HCN2: variants seen among roughly 807,000 people sequenced by gnomAD.
HCN2 encodes hyperpolarization activated cyclic nucleotide gated potassium and sodium channel 2, also known as potassium/sodium hyperpolarization-activated cyclic nucleotide-gated channel 2.
A neutral mutation model predicts 52.3 loss-of-function variants in HCN2; 20 were observed. The ratio of observed to expected loss-of-function variants is 0.38; its 90% confidence interval spans 0.27 to 0.56. HCN2 has a LOEUF of 0.56. HCN2 is among the 20% of genes least tolerant of loss of function. The pLI is 0.71. For synonymous variants in HCN2, 694 were observed against 537.0 expected, an observed-to-expected ratio of 1.29 and a Z score of -4.04; for missense variants, 981 against 1,207.7, an observed-to-expected ratio of 0.81 and a Z score of 2.78.
At chr19:598,213 C>T (rs1427710405) in intron 1 of HCN2, among the ~76,000 whole-genome samples, 2 of 152,148 alleles carry the variant, frequency 1.3e-5, no homozygotes, top group African/African-American at 4.8e-5. Flanking sequence ...TGTCTAGACT[C>T]AGGGAAAGGA....
In HCN2 at chr19:593,862, C is replaced by G. The variant is rs906193122; in HGVS notation, c.632+3285C>G. Among the ~76,000 whole-genome samples the G allele has an allele frequency of 2.0e-5, 3 of 152,164 alleles. No homozygotes were observed. In the East Asian group the frequency reaches 5.8e-4, roughly 29 times the overall value. On this transcript the variant is annotated intron_variant, in intron 1 of 7. Coordinates refer to ENST00000251287, the MANE Select transcript of HCN2 (RefSeq NM_001194.4). ...GCCTGAATTGGAACAGGCGTGAAAA[C>G]CAAGAAGGAAGGGGTTTGGCCTTAT... is the stretch of plus-strand genomic sequence containing the variant.
rs767819067 is a variant in HCN2 at position 613,500 on chromosome 19, G to T, written c.1825+12G>T. On this transcript the variant is annotated intron_variant, in intron 6 of 7. Coordinates refer to ENST00000251287, the MANE Select transcript of HCN2 (RefSeq NM_001194.4). ...CTCCTACTTCGGGGGTGAGCTTGAGGGGGGCGCGCCTGGAGGGGGAGGGGG... is the reference window on the plus strand; with the variant it reads ...CTCCTACTTCGGGGGTGAGCTTGAGTGGGGCGCGCCTGGAGGGGGAGGGGG... 4 of 1,579,810 alleles carry T rather than the reference G, an allele frequency of 2.5e-6. No homozygotes were observed. In the Admixed American group the frequency reaches 6.8e-5, roughly 27 times the overall value.
In HCN2 at chr19:590,363, C is replaced by T. The variant is rs529984416; in HGVS notation, c.418C>T (p.Pro140Ser). 213 of 1,144,284 alleles carry T rather than the reference C, an allele frequency of 1.9e-4. 1 individual carries two copies. The African/African-American group carries it at 3.1e-3, about 17-fold the overall frequency. 70.9% of individuals were successfully genotyped at this position (1,144,284 alleles called of 1,614,324 possible). Reference protein sequence around the residue: ...AASGPAPGPGPAEEAGSEEAG... With the variant: ...AASGPAPGPGSAEEAGSEEAG... ...CTCGGGGCCCGCGCCGGGGCCGGGG[C>T]CGGCGGAGGAGGCGGGCAGCGAGGA... Residue 140 changes from proline to serine, a missense_variant, in exon 1 of 8, where the codon CCG becomes TCG. Pro to Ser is a moderately conservative substitution (Grantham distance 74). Around this residue, in one of 6 missense-constraint regions of HCN2, gnomAD observed 215 missense variants for 179.4 expected, o/e 1.20. Coordinates refer to ENST00000251287, the MANE Select transcript of HCN2 (RefSeq NM_001194.4). The surrounding 1 kb of genome is among the most constrained non-coding windows in gnomAD (Gnocchi z 7.2).
Position 590,421 on chromosome 19 carries a change from A to C in HCN2, c.476A>C (p.Gln159Pro). 7.0e-7 allele frequency: 1 copy of C among 1,423,046 alleles called. No homozygotes were observed. The highest frequency in any genetic ancestry group is 9.3e-7 in the Non-Finnish European group (1 of 1,075,634). 88.2% of individuals were successfully genotyped at this position (1,423,046 alleles called of 1,614,324 possible). Reference sequence around the variant, plus strand: ...CCGGCGGGGGAGCCGCGCGGCAGCCAGGCCAGCTTCATGCAGCGCCAGTTC... The same window carrying C: ...CCGGCGGGGGAGCCGCGCGGCAGCCCGGCCAGCTTCATGCAGCGCCAGTTC... Reference protein sequence around the residue: ...AGPAGEPRGSQASFMQRQFGA... With the variant: ...AGPAGEPRGSPASFMQRQFGA... Residue 159 changes from glutamine (Q) to proline (P), a missense_variant, in exon 1 of 8, where the codon CAG becomes CCG. Physicochemically the swap from Gln to Pro is moderately conservative, Grantham distance 76 (BLOSUM62 -1). Around this residue, in one of 6 missense-constraint regions of HCN2, gnomAD observed 215 missense variants for 179.4 expected, o/e 1.20. Coordinates refer to ENST00000251287, the MANE Select transcript of HCN2 (RefSeq NM_001194.4). This position sits in a 1 kb window ranked among gnomAD's most constrained non-coding sequence, Gnocchi z 7.2.
Position 616,519 on chromosome 19 carries a change from C to G in HCN2, c.*45C>G. On this transcript the variant is annotated 3_prime_UTR_variant, in exon 8 of 8. Transcript: ENST00000251287. ...GGGCCCAGGCGGGCCGGGGGCGGGG[C>G]CGTCATCCAGACCAAAGCCATGCCA... 1.8e-6 allele frequency: 2 copies of G among 1,137,048 alleles called. No homozygotes were observed. The highest frequency in any genetic ancestry group is 4.4e-5 in the East Asian group (1 of 22,820). 70.4% of individuals were successfully genotyped at this position (1,137,048 alleles called of 1,614,324 possible). A position where few individuals can be genotyped will look rare whatever the true frequency, so the allele number is the denominator to read the frequency against.
chr19:612,779 G>T lies in HCN2; in HGVS notation c.1585-469G>T, dbSNP rs149004961. Reference sequence around the variant, plus strand: ...AGGGTCTTGTTCTGCGCTCAGGCTGGAGGGCAGTGGTGTGGGGATCACGGC... The same window carrying T: ...AGGGTCTTGTTCTGCGCTCAGGCTGTAGGGCAGTGGTGTGGGGATCACGGC... On this transcript the variant is annotated intron_variant, in intron 5 of 7. Transcript: ENST00000251287. Among the ~76,000 whole-genome samples, 12 of 150,892 alleles carry T rather than the reference G, an allele frequency of 8.0e-5. No homozygotes were observed. The East Asian group carries it at 2.3e-3, about 29-fold the overall frequency.
At position 617,046 on chromosome 19, in the gene HCN2, C is replaced by T. The variant is rs1324988740; in HGVS notation, c.*572C>T. 3 of 549,166 alleles carry T rather than the reference C, an allele frequency of 5.5e-6. No homozygotes were observed. Among genetic ancestry groups the T allele is most frequent in the Middle Eastern group, 5.0e-4 (1 of 1,992 alleles). The allele number at this position is 549,166 out of a possible 1,614,324, so 34.0% of individuals were successfully genotyped here. On this transcript the variant is annotated 3_prime_UTR_variant, in exon 8 of 8. Coordinates refer to ENST00000251287, the MANE Select transcript of HCN2 (RefSeq NM_001194.4). ...CGCGGGGGGGAGGCTGGGGTCCCGC[C>T]GCCGTGATGAATGTACTGACGAGCC... is the stretch of plus-strand genomic sequence containing the variant.
chr19:616,450 C>G lies in HCN2; in HGVS notation c.2646C>G (p.Arg882=). The G allele has an allele frequency of 8.1e-7, 1 of 1,242,158 alleles. No individual in the cohort carries two copies. Among genetic ancestry groups the G allele is most frequent in the Non-Finnish European group, 1.0e-6 (1 of 990,358 alleles). 76.9% of individuals were successfully genotyped at this position (1,242,158 alleles called of 1,614,324 possible). A position where few individuals can be genotyped will look rare whatever the true frequency, so the allele number is the denominator to read the frequency against. The change falls in exon 8 of 8, where the codon CGC becomes CGG. Residue 882 remains arginine, a synonymous_variant. Transcript: ENST00000251287. ...GCCTGGACCCCCAGGACTCCGCGCGCTCGCGCCTCTCGTCCAACTTGTGAC... is the reference window on the plus strand; with the variant it reads ...GCCTGGACCCCCAGGACTCCGCGCGGTCGCGCCTCTCGTCCAACTTGTGAC... ...AGGLDPQDSA[R]SRLSSNL
chr19:615,554 G>A (rs1457408174), intron 7 of HCN2, among the ~76,000 whole-genome samples: 1 of 152,224 alleles, frequency 6.6e-6, no homozygotes, highest in Non-Finnish European at 1.5e-5. Flanking sequence ...CTGTATGCAG[G>A]TGCTTCATGC....
At chr19:608,281 A>G (rs1478928500) in intron 4 of HCN2, 99 bp downstream of exon 4, 4 of 1,080,738 alleles carry the variant, frequency 3.7e-6, no homozygotes, top group Non-Finnish European at 5.5e-6. Flanking sequence ...GGTCTGATGG[A>G]GGGAGGCAGG....
At chr19:611,122 A>T (rs1169968034) in intron 5 of HCN2, among the ~76,000 whole-genome samples, 1 of 152,222 alleles carries the variant, frequency 6.6e-6, no homozygotes, top group African/African-American at 2.4e-5. Context: ...TAACTGGGCC[A>T]TGTCTGCAGA....
chr19:615,310 C>T (rs961156105), intron 7 of HCN2, among the ~76,000 whole-genome samples: 10 of 152,040 alleles, frequency 6.6e-5, no homozygotes, highest in Non-Finnish European at 2.9e-5. Context: ...GAGATTGAGA[C>T]CATCCTGGCT....
At chr19:614,359 T>C (rs1983807655) in intron 7 of HCN2, among the ~76,000 whole-genome samples, 1 of 152,134 alleles carries the variant, frequency 6.6e-6, no homozygotes, top group Admixed American at 6.5e-5. Context: ...GCACCTGCTG[T>C]GTGCTGGGGG....
chr19:616,605 T>TTGGACGGA lies in HCN2; in HGVS notation c.*132_*139dup, dbSNP rs1322450388. ...ATAGACGAGACGTAGGTAGCCGTAG[T>TTGGACGGA]TGGACGGACGGGCAGGGCCGGCGGG... On this transcript the variant is annotated 3_prime_UTR_variant, in exon 8 of 8. Transcript: ENST00000251287. 2.0e-6 allele frequency: 1 copy of TTGGACGGA among 500,438 alleles called. No individual in the cohort carries two copies. The highest frequency in any genetic ancestry group is 2.8e-6 in the Non-Finnish European group (1 of 356,408). 31.0% of individuals were successfully genotyped at this position (500,438 alleles called of 1,614,324 possible).
chr19:600,690 AGGCT>A (rs1230521215), intron 1 of HCN2, among the ~76,000 whole-genome samples: 1 of 152,126 alleles, frequency 6.6e-6, no homozygotes, highest in Non-Finnish European at 1.5e-5. Flanking sequence ...CATATTGGCC[AGGCT>A]GGTCTCAAAC....
rs1983938024 is a variant in HCN2 at position 616,533 on chromosome 19, A to G, written c.*59A>G. On this transcript the variant is annotated 3_prime_UTR_variant, in exon 8 of 8. Transcript: ENST00000251287. ...CGGGGGCGGGGCCGTCATCCAGACC[A>G]AAGCCATGCCATTGCGCTGCCCCGG... The G allele has an allele frequency of 9.6e-7, 1 of 1,040,196 alleles. No homozygotes were observed. The highest frequency in any genetic ancestry group is 1.2e-6 in the Non-Finnish European group (1 of 830,478). The allele number at this position is 1,040,196 out of a possible 1,614,324, so 64.4% of individuals were successfully genotyped here. A position where few individuals can be genotyped will look rare whatever the true frequency, so the allele number is the denominator to read the frequency against.
chr19:596,006 G>A (rs1983019308), intron 1 of HCN2, among the ~76,000 whole-genome samples: 1 of 152,220 alleles, frequency 6.6e-6, no homozygotes, highest in Non-Finnish European at 1.5e-5. Context: ...AAGACCCCCT[G>A]GGCAGGCCCT....
At chr19:594,146 G>C (rs1349413727) in intron 1 of HCN2, among the ~76,000 whole-genome samples, 1 of 152,032 alleles carries the variant, frequency 6.6e-6, no homozygotes. Flanking sequence ...GAGGGGACAC[G>C]AAGGCCCAGG....
At chr19:606,420 C>T (rs1168953045) in intron 3 of HCN2, among the ~76,000 whole-genome samples, 1 of 152,056 alleles carries the variant, frequency 6.6e-6, no homozygotes, top group Non-Finnish European at 1.5e-5. Flanking sequence ...CCCTTGAGCC[C>T]AGAAGTTGAG....
Sources: allele counts gnomAD v4.1 joint callset (sites outside exome capture counted in the v4.1 genomes callset), GRCh38; gene constraint gnomAD v4.1.1; regional missense constraint gnomAD v4.1.1; non-coding constraint Gnocchi (gnomAD v3.1); transcripts MANE v1.5; gene names NCBI Gene and HGNC (gene_info 2026-07-23, HGNC 2026-07-21).